Variants in HIVEP1 observed in about 807,000 individuals in gnomAD.
HIVEP1 encodes HIVEP zinc finger 1.
In HIVEP1, 36 loss-of-function variants were observed where a neutral mutation model predicts 180.0. The observed-to-expected ratio is 0.20, with a 90% CI of 0.15 to 0.26. The LOEUF is 0.26. HIVEP1 is among the 10% of genes least tolerant of loss of function. HIVEP1 has a pLI of 1.00. For synonymous variants in HIVEP1, 1,239 were observed against 1,239.0 expected (o/e 1.00, Z 0.00); for missense variants, 3,143 against 3,268.7 (o/e 0.96, Z 0.94).
chr6:12,074,773 G>A (rs1448795547), intron 2 of HIVEP1, among the ~76,000 whole-genome samples: 1 of 151,818 alleles, frequency 6.6e-6, no homozygotes, highest in East Asian at 1.9e-4. Flanking sequence ...AATAGAAAAA[G>A]TGATGGATCA....
chr6:12,163,039 A>G (rs553089546), intron 8 of HIVEP1, among the ~76,000 whole-genome samples: 1 of 152,348 alleles, frequency 6.6e-6, no homozygotes, highest in East Asian at 1.9e-4. Context: ...CAGACATGCA[A>G]AAGACTATAC....
At chr6:12,087,492 A>C (rs1156801920) in intron 2 of HIVEP1, among the ~76,000 whole-genome samples, 1 of 152,126 alleles carries the variant, frequency 6.6e-6, no homozygotes, top group Non-Finnish European at 1.5e-5. Flanking sequence ...AATTACTGGC[A>C]TAGAAATAAT....
chr6:12,165,495 A>G (rs1760679209), downstream of HIVEP1, among the ~76,000 whole-genome samples: 1 of 152,178 alleles, frequency 6.6e-6, no homozygotes. Context: ...AGATTACCGA[A>G]GAGCCAAATT....
rs192193224 is a variant in HIVEP1, at chr6:12,073,975, G to C, written c.41-15209G>C. On this transcript the variant is annotated intron_variant, in intron 2 of 8. Coordinates refer to ENST00000379388, the MANE Select transcript of HIVEP1 (RefSeq NM_002114.4). ...ACCACACACTCCCCACCTCACTACT[G>C]CTGGGAACAAAAGTAGATTGATTGG... Among the ~76,000 whole-genome samples the C allele has an allele frequency of 2.2e-4, 34 of 152,306 alleles. No individual in the cohort carries two copies. The East Asian group carries it at 6.2e-3, about 28-fold the overall frequency.
the HIVEP1 span, among the ~76,000 whole-genome samples, chr6:12,176,208 G>A: frequency 6.7e-6 from 1 of 149,674 alleles, no homozygotes; most frequent in Middle Eastern, 3.3e-3. Flanking sequence ...TTGACTCGGG[G>A]TAATTTTGTT....
intron 2 of HIVEP1, chr6:12,037,598 A>G (rs1008365072): frequency 2.6e-6 from 1 of 384,728 alleles, no homozygotes; most frequent in African/African-American, 2.1e-5. Context: ...TATTATGGAA[A>G]AGAATTTTGT....
chr6:12,085,331 G>A (rs1304568690), intron 2 of HIVEP1, among the ~76,000 whole-genome samples: 2 of 152,020 alleles, frequency 1.3e-5, no homozygotes, highest in African/African-American at 4.8e-5. Context: ...TCAGGGAAGA[G>A]GACAAAGCAG....
intron 2 of HIVEP1, among the ~76,000 whole-genome samples, chr6:12,024,764 T>G (rs879866013): frequency 6.6e-6 from 1 of 152,200 alleles, no homozygotes; most frequent in Non-Finnish European, 1.5e-5. Flanking sequence ...ACACAGGGAC[T>G]TGGAAGGTGG....
intron 7 of HIVEP1, among the ~76,000 whole-genome samples, chr6:12,139,591 G>A (rs780161991): frequency 1.1e-4 from 17 of 152,346 alleles, no homozygotes; most frequent in African/African-American, 1.7e-4. Context: ...GCCAAGGGAC[G>A]CTGTGACAGA....
chr6:12,010,050 G>A (rs935654613), upstream of HIVEP1, among the ~76,000 whole-genome samples: 3 of 152,192 alleles, frequency 2.0e-5, no homozygotes, highest in Admixed American at 6.5e-5. Context: ...CAGATTAATA[G>A]CTATACGTTC....
intron 3 of HIVEP1, among the ~76,000 whole-genome samples, chr6:12,099,317 G>C (rs1473881513): frequency 1.3e-5 from 2 of 151,624 alleles, no homozygotes; most frequent in African/African-American, 4.8e-5. Flanking sequence ...ACAGGCGCCC[G>C]CCACTACGCC....
chr6:12,055,785 G>A (rs1770830011), intron 2 of HIVEP1, among the ~76,000 whole-genome samples: 1 of 152,156 alleles, frequency 6.6e-6, no homozygotes, highest in South Asian at 2.1e-4. Flanking sequence ...GCCTTTCCCT[G>A]CTCACAAAGC....
chr6:12,061,522 A>AT (rs1367940959), intron 2 of HIVEP1, among the ~76,000 whole-genome samples: 3 of 152,104 alleles, frequency 2.0e-5, no homozygotes, highest in Non-Finnish European at 4.4e-5. Context: ...AAGTTAGAAG[A>AT]TTTTTTTCTG....
At chr6:12,036,532 C>T (rs1581543445) in intron 2 of HIVEP1, among the ~76,000 whole-genome samples, 1 of 152,110 alleles carries the variant, frequency 6.6e-6, no homozygotes, top group South Asian at 2.1e-4. Context: ...GCTGTAGGCT[C>T]CAGGGATGCA....
chr6:12,105,537 TC>T (rs1774370028), intron 3 of HIVEP1, among the ~76,000 whole-genome samples: 2 of 152,334 alleles, frequency 1.3e-5, no homozygotes, highest in African/African-American at 4.8e-5. Context: ...GTCTAGGTAA[TC>T]TGTTGTCCTG....
chr6:12,178,011 A>G, the HIVEP1 span, among the ~76,000 whole-genome samples: 1 of 152,212 alleles, frequency 6.6e-6, no homozygotes, highest in Non-Finnish European at 1.5e-5. Context: ...AAGGGAAGCT[A>G]TATGTTTACT....
intron 2 of HIVEP1, among the ~76,000 whole-genome samples, chr6:12,086,545 T>A (rs1773136324): frequency 6.6e-6 from 1 of 151,892 alleles, no homozygotes; most frequent in African/African-American, 2.4e-5. Context: ...TTCCCTTTGC[T>A]CCCCCTCCCC....
At position 12,164,404 on chromosome 6, in the gene HIVEP1, G is replaced by T. The variant is rs774060011; in HGVS notation, c.8100G>T (p.Val2700=). ...PTALPRRQPT[V]HFSDVSSDDD... is the part of the protein sequence containing the mutation. The stretch of plus-strand genomic sequence containing the variant: ...CACTACCGCGGAGGCAGCCCACTGT[G>T]CACTTCAGCGACGTGAGCAGCGATG... The change falls in exon 9 of 9, where the codon GTG becomes GTT. Residue 2700 remains valine, a synonymous_variant. Coordinates refer to ENST00000379388, the MANE Select transcript of HIVEP1 (RefSeq NM_002114.4). 1 of 1,613,978 alleles carries T rather than the reference G, an allele frequency of 6.2e-7. No individual in the cohort carries two copies. Among genetic ancestry groups the T allele is most frequent in the Non-Finnish European group, 8.5e-7 (1 of 1,180,032 alleles).
intron 3 of HIVEP1, among the ~76,000 whole-genome samples, chr6:12,112,516 C>T (rs1774962085): frequency 6.6e-6 from 1 of 152,034 alleles, no homozygotes; most frequent in East Asian, 1.9e-4. Flanking sequence ...AATTCTTGGC[C>T]ATTATTTTTT....
Sources: allele counts gnomAD v4.1 joint callset (sites outside exome capture counted in the v4.1 genomes callset), GRCh38; gene constraint gnomAD v4.1.1; transcripts MANE v1.5; gene names NCBI Gene and HGNC (gene_info 2026-07-23, HGNC 2026-07-21).